Variants in LINGO2 observed in about 807,000 individuals in gnomAD.
LINGO2 encodes leucine rich repeat and Ig domain containing 2.
LINGO2 carries 14 observed loss-of-function variants against 30.6 expected under a neutral mutation model. The observed-to-expected ratio is 0.46, with a 90% CI of 0.30 to 0.72. The LOEUF (loss-of-function observed/expected upper bound fraction) is 0.72, where lower values mean the gene tolerates loss of function less well. LINGO2 is among the 30% of genes least tolerant of loss of function. The pLI is 0.07. For missense variants in LINGO2, 729 were observed against 751.7 expected (o/e 0.97, Z 0.35); for synonymous variants, 317 against 288.5 (o/e 1.10, Z -1.00).
At chr9:27,943,390 C>T (rs1823241940), downstream of LINGO2, 1 of 152,114 alleles carries the variant, frequency 6.6e-6, no homozygotes, top group African/African-American at 2.4e-5. Flanking sequence ...AAGGTAAAGT[C>T]TTCTTTAAAA....
At chr9:28,839,611 C>T in the LINGO2 span, among the ~76,000 whole-genome samples, 1 of 152,104 alleles carries the variant, frequency 6.6e-6, no homozygotes, top group Admixed American at 6.5e-5. Flanking sequence ...GTGGTCCCAA[C>T]ATCTACCCCA....
At chr9:28,538,932 C>G (rs1821552772) in intron 1 of LINGO2, among the ~76,000 whole-genome samples, 1 of 151,756 alleles carries the variant, frequency 6.6e-6, no homozygotes, top group African/African-American at 2.4e-5. Flanking sequence ...AAAGGGAAAG[C>G]ATGGCATAGA....
intron 5 of LINGO2, among the ~76,000 whole-genome samples, chr9:27,992,335 A>T (rs1463511649): frequency 6.6e-6 from 1 of 152,182 alleles, no homozygotes; most frequent in Non-Finnish European, 1.5e-5. Context: ...CCATAGATAC[A>T]ATGACTACAT....
chr9:28,238,098 A>G (rs570722908), intron 4 of LINGO2, among the ~76,000 whole-genome samples: 23 of 152,232 alleles, frequency 1.5e-4, no homozygotes, highest in Middle Eastern at 3.4e-3. Flanking sequence ...TTAAATATAT[A>G]TGCATCCAAC....
At position 28,133,605 on chromosome 9, in the gene LINGO2, A is replaced by G. The variant is rs150330491; in HGVS notation, c.-86-121200T>C. Among the ~76,000 whole-genome samples the G allele has an allele frequency of 2.6e-5, 4 of 152,298 alleles. No individual in the cohort carries two copies. The East Asian group carries it at 5.8e-4, about 22-fold the overall frequency. The stretch of plus-strand genomic sequence containing the variant: ...ATTATCTTAAATCACTGAGCTGAAG[A>G]GCAATGTGTTGAGAGACAGGCTCAG... On this transcript the variant is annotated intron_variant, in intron 4 of 5. Transcript: ENST00000379992.
intron 2 of LINGO2, among the ~76,000 whole-genome samples, chr9:28,432,225 A>T (rs1362682341): frequency 6.6e-6 from 1 of 152,050 alleles, no homozygotes; most frequent in Non-Finnish European, 1.5e-5. Context: ...TTTAAAAATA[A>T]ACAATGACTA....
At chr9:28,990,836 C>T in the LINGO2 span, among the ~76,000 whole-genome samples, 1 of 152,100 alleles carries the variant, frequency 6.6e-6, no homozygotes, top group East Asian at 1.9e-4. Flanking sequence ...AAAGGACATC[C>T]ACACCAAAAA....
chr9:28,017,557 T>C (rs185155132), intron 4 of LINGO2, among the ~76,000 whole-genome samples: 5 of 152,132 alleles, frequency 3.3e-5, no homozygotes, highest in African/African-American at 1.2e-4. Flanking sequence ...TCAGTAGTAC[T>C]TCTATATATC....
the LINGO2 span, among the ~76,000 whole-genome samples, chr9:28,980,801 T>C: frequency 6.8e-6 from 1 of 146,262 alleles, no homozygotes; most frequent in Non-Finnish European, 1.5e-5. Flanking sequence ...TGGCATACTC[T>C]GTATTTTATT....
the LINGO2 span, among the ~76,000 whole-genome samples, chr9:29,212,975 C>A: frequency 6.6e-6 from 1 of 152,202 alleles, no homozygotes; most frequent in Admixed American, 6.5e-5. Context: ...GCCAAGGATG[C>A]GACGCACACA....
At chr9:28,629,226 T>G (rs1457649618) in intron 1 of LINGO2, among the ~76,000 whole-genome samples, 3 of 151,972 alleles carry the variant, frequency 2.0e-5, no homozygotes, top group African/African-American at 7.3e-5. Context: ...CCTGCTCAAA[T>G]CCTAATCAAT....
At chr9:28,134,769 C>T (rs752629330) in intron 4 of LINGO2, among the ~76,000 whole-genome samples, 3 of 152,198 alleles carry the variant, frequency 2.0e-5, no homozygotes, top group African/African-American at 7.2e-5. Flanking sequence ...ACAAGTTCTA[C>T]AGTGATTTGA....
chr9:28,314,966 C>A (rs1195304840), intron 3 of LINGO2, among the ~76,000 whole-genome samples: 2 of 148,288 alleles, frequency 1.3e-5, no homozygotes, highest in African/African-American at 5.0e-5. Flanking sequence ...GCCGAGATCG[C>A]GCCACTCCAG....
intron 3 of LINGO2, among the ~76,000 whole-genome samples, chr9:28,295,839 A>C (rs73645635): frequency 0.013 from 2,039 of 152,320 alleles, 39 homozygotes; most frequent in African/African-American, 0.047. Flanking sequence ...CTGATGCTCC[A>C]GTCAATGTGA....
chr9:28,054,723 A>C (rs1188120472), intron 4 of LINGO2, among the ~76,000 whole-genome samples: 2 of 152,090 alleles, frequency 1.3e-5, no homozygotes, highest in Non-Finnish European at 2.9e-5. Context: ...TAAGTTAAAA[A>C]CCCAATAGCT....
intron 5 of LINGO2, among the ~76,000 whole-genome samples, chr9:27,981,193 CCT>C (rs1234234574): frequency 2.6e-5 from 4 of 151,724 alleles, no homozygotes; most frequent in African/African-American, 7.3e-5. Flanking sequence ...AATACTCCTG[CCT>C]CTGTTTCTCT....
chr9:29,141,151 A>T, the LINGO2 span, among the ~76,000 whole-genome samples: 38 of 152,196 alleles, frequency 2.5e-4, no homozygotes, highest in African/African-American at 9.1e-4. Flanking sequence ...CCTGTAATAC[A>T]GTAGCAGTAG....
chr9:29,066,793 T>C, the LINGO2 span, among the ~76,000 whole-genome samples: 22 of 152,020 alleles, frequency 1.4e-4, no homozygotes, highest in South Asian at 3.5e-3. Context: ...TGTCTTAATA[T>C]GAAATCTTCA....
intron 2 of LINGO2, among the ~76,000 whole-genome samples, chr9:28,380,372 G>A (rs914895437): frequency 8.7e-5 from 12 of 138,420 alleles, no homozygotes; most frequent in African/African-American, 1.6e-4. Flanking sequence ...GTAAATCATT[G>A]ACTCAATGAC....
Sources: allele counts gnomAD v4.1 joint callset (sites outside exome capture counted in the v4.1 genomes callset), GRCh38; gene constraint gnomAD v4.1.1; transcripts MANE v1.5; gene names NCBI Gene and HGNC (gene_info 2026-07-23, HGNC 2026-07-21).